RGS7: variants seen among roughly 807,000 people sequenced by gnomAD.
RGS7 encodes regulator of G protein signaling 7.
RGS7 carries 27 observed loss-of-function variants against 81.1 expected under a neutral mutation model. That is an observed-to-expected ratio of 0.33 (90% CI 0.25 to 0.46). The LOEUF (loss-of-function observed/expected upper bound fraction) is 0.46. RGS7 is among the 20% of genes least tolerant of loss of function. The pLI, the probability that RGS7 is intolerant of heterozygous loss-of-function variation, is 1.00. For missense variants in RGS7, 396 were observed against 607.4 expected, an observed-to-expected ratio of 0.65 and a Z score of 3.66; for synonymous variants, 208 against 207.7, an observed-to-expected ratio of 1.00 and a Z score of -0.01.
At chr1:241,293,843 G>A (rs2079230776) in intron 2 of RGS7, among the ~76,000 whole-genome samples, 1 of 152,138 alleles carries the variant, frequency 6.6e-6, no homozygotes. Context: ...AGTGTTGGTG[G>A]GAGTGTAAAT....
chr1:240,890,854 T>C (rs1572625065), intron 6 of RGS7, among the ~76,000 whole-genome samples: 1 of 152,214 alleles, frequency 6.6e-6, no homozygotes, highest in African/African-American at 2.4e-5. Context: ...AAATATTTAG[T>C]ACAATCTCTG....
intron 3 of RGS7, among the ~76,000 whole-genome samples, chr1:241,038,430 A>C (rs920774491): frequency 2.0e-5 from 3 of 152,232 alleles, no homozygotes; most frequent in African/African-American, 7.2e-5. Context: ...ACAAGGCCAC[A>C]ACATATCCAT....
chr1:240,799,908 G>A (rs1687756894), intron 18 of RGS7, among the ~76,000 whole-genome samples: 1 of 152,092 alleles, frequency 6.6e-6, no homozygotes, highest in Non-Finnish European at 1.5e-5. Context: ...GTGACCATAT[G>A]GTACTATTTT....
intron 16 of RGS7, among the ~76,000 whole-genome samples, chr1:240,801,761 T>C (rs1688061415): frequency 6.6e-6 from 1 of 152,168 alleles, no homozygotes; most frequent in Admixed American, 6.6e-5. Context: ...AAAATCAAAT[T>C]CAGCCAAAAT....
chr1:241,186,043 G>C (rs966083652), intron 2 of RGS7, among the ~76,000 whole-genome samples: 1 of 152,040 alleles, frequency 6.6e-6, no homozygotes, highest in Non-Finnish European at 1.5e-5. Flanking sequence ...CTGGTTCTGA[G>C]AAACAAATGA....
intron 2 of RGS7, among the ~76,000 whole-genome samples, chr1:241,220,720 A>C (rs1013516345): frequency 1.3e-5 from 2 of 152,046 alleles, no homozygotes; most frequent in African/African-American, 4.8e-5. Flanking sequence ...CATATTAATA[A>C]TTAAGGTTCT....
intron 3 of RGS7, among the ~76,000 whole-genome samples, chr1:241,041,128 G>C (rs2148767373): frequency 6.6e-6 from 1 of 152,206 alleles, no homozygotes; most frequent in African/African-American, 2.4e-5. Context: ...ATTACCTTTT[G>C]AAAATGAACT....
At chr1:240,910,423 A>G (rs1671557437) in intron 6 of RGS7, among the ~76,000 whole-genome samples, 1 of 152,210 alleles carries the variant, frequency 6.6e-6, no homozygotes. Flanking sequence ...AACAGAGGAA[A>G]CTAGAGGCTG....
intron 3 of RGS7, among the ~76,000 whole-genome samples, chr1:241,060,005 T>C (rs1407770933): frequency 2.6e-5 from 4 of 152,072 alleles, no homozygotes; most frequent in Non-Finnish European, 5.9e-5. Flanking sequence ...ACCTAAGTCA[T>C]TCTCAAATTC....
chr1:241,001,408 A>G (rs1037257626), intron 3 of RGS7, among the ~76,000 whole-genome samples: 3 of 152,346 alleles, frequency 2.0e-5, no homozygotes, highest in Admixed American at 6.5e-5. Flanking sequence ...GTAAGATAGT[A>G]AGGATAAATA....
At chr1:240,824,441 G>A (rs543757925) in intron 10 of RGS7, among the ~76,000 whole-genome samples, 22 of 152,352 alleles carry the variant, frequency 1.4e-4, no homozygotes, top group Middle Eastern at 3.4e-3. Flanking sequence ...GCCAGGAGGA[G>A]GCGCTACAGA....
At chr1:241,005,605 G>C (rs146844496) in intron 3 of RGS7, among the ~76,000 whole-genome samples, 1 of 151,306 alleles carries the variant, frequency 6.6e-6, no homozygotes, top group Admixed American at 6.6e-5. Context: ...GTGTGATCTC[G>C]GCTCGCTGCA....
At chr1:241,089,362 A>G (rs2063723098) in intron 3 of RGS7, among the ~76,000 whole-genome samples, 1 of 151,760 alleles carries the variant, frequency 6.6e-6, no homozygotes, top group African/African-American at 2.4e-5. Flanking sequence ...ATTTTGGCAT[A>G]TTGATTATTC....
chr1:241,284,973 T>A (rs1325857211), intron 2 of RGS7, among the ~76,000 whole-genome samples: 9 of 152,078 alleles, frequency 5.9e-5, no homozygotes, highest in Admixed American at 5.9e-4. Context: ...CGGGTTCACA[T>A]CATTCTCCTG....
rs1301473592 is a variant in RGS7, at chr1:240,998,524, A to T, written c.176-15395T>A. The T allele has an allele frequency of 2.1e-5, 20 of 967,704 alleles. 1 individual carries two copies. The South Asian group carries it at 2.2e-4, about 11-fold the overall frequency. 59.9% of individuals were successfully genotyped at this position (967,704 alleles called of 1,614,324 possible). On this transcript the variant is annotated intron_variant, in intron 3 of 18. Transcript: ENST00000440928. Reference sequence around the variant, plus strand: ...TCTTTGCTTCCACTTTCTTCTCCTCAGCTGGAGCAGCAGCAGCAGAGGCGG... The same window carrying T: ...TCTTTGCTTCCACTTTCTTCTCCTCTGCTGGAGCAGCAGCAGCAGAGGCGG...
intron 6 of RGS7, among the ~76,000 whole-genome samples, chr1:240,912,370 A>G (rs1295214897): frequency 7.1e-6 from 1 of 141,672 alleles, no homozygotes; most frequent in Non-Finnish European, 1.6e-5. Context: ...TAAACTAAAT[A>G]TAAATAGTTT....
At chr1:241,315,308 C>A (rs1263418359) in intron 2 of RGS7, among the ~76,000 whole-genome samples, 2 of 151,540 alleles carry the variant, frequency 1.3e-5, no homozygotes, top group Non-Finnish European at 2.9e-5. Context: ...TTAAAGTGGA[C>A]CTCCTACACC....
chr1:240,959,341 C>A (rs1373657065), intron 4 of RGS7, among the ~76,000 whole-genome samples: 4 of 152,122 alleles, frequency 2.6e-5, no homozygotes, highest in Non-Finnish European at 4.4e-5. Context: ...CTTACACAAA[C>A]CTAGATGGCA....
At chr1:241,047,739 T>C (rs2061012901) in intron 3 of RGS7, among the ~76,000 whole-genome samples, 1 of 140,876 alleles carries the variant, frequency 7.1e-6, no homozygotes, top group African/African-American at 2.7e-5. Flanking sequence ...AATCCTTTTT[T>C]TTTTTTTTTT....
Sources: allele counts gnomAD v4.1 joint callset (sites outside exome capture counted in the v4.1 genomes callset), GRCh38; gene constraint gnomAD v4.1.1; transcripts MANE v1.5; gene names NCBI Gene and HGNC (gene_info 2026-07-23, HGNC 2026-07-21).